Variants in FOCAD observed in about 807,000 individuals in gnomAD.
FOCAD encodes the protein KIAA1797.
Under a neutral mutation model 225.6 loss-of-function variants are expected in FOCAD, and 198 were observed. The observed-to-expected ratio is 0.88, with a 90% confidence interval of 0.78 to 0.99. The LOEUF is 0.99. Among genes scored for constraint, FOCAD ranks in the 50% least tolerant of loss-of-function variants. FOCAD has a pLI of 0.00. For missense variants in FOCAD, 2,713 were observed against 2,123.6 expected (o/e 1.28, Z -5.46); for synonymous variants, 897 against 755.0 (o/e 1.19, Z -3.08).
At chr9:20,921,923 C>A (rs575285341) in intron 24 of FOCAD, among the ~76,000 whole-genome samples, 2 of 152,258 alleles carry the variant, frequency 1.3e-5, no homozygotes, top group South Asian at 4.1e-4. Flanking sequence ...CTAGTGACCT[C>A]ACGTTTTCTA....
chr9:20,974,980 C>T lies in FOCAD; in HGVS notation c.4133-1440C>T, dbSNP rs375662014. Among the ~76,000 whole-genome samples, 13 of 152,296 alleles carry T rather than the reference C, an allele frequency of 8.5e-5. No individual in the cohort carries two copies. In the East Asian group the frequency reaches 2.1e-3, roughly 25 times the overall value. ...GCTGTTTTTCCTTTTGCTGACTCTA[C>T]TTCCACGCTGATTCCCCCTTTTTCA... On this transcript the variant is annotated intron_variant, in intron 35 of 43. Transcript: ENST00000338382.
chr9:20,656,013 T>G (rs1016768294), upstream of FOCAD, among the ~76,000 whole-genome samples: 2 of 152,070 alleles, frequency 1.3e-5, no homozygotes, highest in African/African-American at 4.8e-5. Flanking sequence ...CATCTTTATT[T>G]CTGCCTTCAT....
chr9:20,693,069 C>T (rs929313106), intron 1 of FOCAD, among the ~76,000 whole-genome samples: 9 of 152,194 alleles, frequency 5.9e-5, no homozygotes, highest in African/African-American at 2.2e-4. Context: ...CCAGTGGCTT[C>T]CCGTTGCCAC....
chr9:20,778,089 CAAAAAAAAAA>C (rs1184354592), intron 8 of FOCAD, among the ~76,000 whole-genome samples: 1 of 84,190 alleles, frequency 1.2e-5, no homozygotes, highest in African/African-American at 4.4e-5. Context: ...GACTCCGTCT[CAAAAAAAAAA>C]AAAAAAAAAA....
At chr9:20,705,357 C>T (rs998109108) in intron 1 of FOCAD, among the ~76,000 whole-genome samples, 9 of 152,206 alleles carry the variant, frequency 5.9e-5, no homozygotes, top group South Asian at 2.1e-4. Context: ...TACATCCTTA[C>T]ACTGTGTATA....
chr9:20,984,231 A>C (rs1840957426), intron 39 of FOCAD, among the ~76,000 whole-genome samples: 1 of 152,206 alleles, frequency 6.6e-6, no homozygotes, highest in Non-Finnish European at 1.5e-5. Context: ...AATTTAAGCA[A>C]GTTGCTTAAC....
At chr9:20,744,360 G>A (rs1189499920) in intron 5 of FOCAD, among the ~76,000 whole-genome samples, 4 of 152,210 alleles carry the variant, frequency 2.6e-5, no homozygotes, top group Admixed American at 6.5e-5. Context: ...ATCATATGTA[G>A]TTAATGCAGC....
Position 20,823,082 on chromosome 9 carries a change from A to T in FOCAD, c.1887A>T (p.Val629=), listed in dbSNP as rs751439772. 6.2e-7 allele frequency: 1 copy of T among 1,608,528 alleles called. No homozygotes were observed. Among genetic ancestry groups the T allele is most frequent in the Non-Finnish European group, 8.5e-7 (1 of 1,177,854 alleles). ...ATCAAGCTACTCCAGCAGCCTTGGT[A>T]TTACAGGGTCTTCATGCACTCTGTC... ...KPDQATPAAL[V]LQGLHALCQA... Residue 629 remains valine, a synonymous_variant, in exon 15 of 44, where the codon GTA becomes GTT. Transcript: ENST00000338382.
rs933260364 is a variant in FOCAD at position 20,883,933 on chromosome 9, A to T, written c.2504-1176A>T. Reference sequence around the variant, plus strand: ...ATAATAAAACTCAGTGCAATAAAAAACATAAATAAGCTGGAGGTTCAGCTG... The same window carrying T: ...ATAATAAAACTCAGTGCAATAAAAATCATAAATAAGCTGGAGGTTCAGCTG... On this transcript the variant is annotated intron_variant, in intron 20 of 43. Coordinates refer to ENST00000338382, the MANE Select transcript of FOCAD (RefSeq NM_001375567.1). Among the ~76,000 whole-genome samples the T allele has an allele frequency of 8.5e-5, 13 of 152,324 alleles. 1 individual carries two copies. The highest frequency in any genetic ancestry group is 3.1e-4 in the African/African-American group (13 of 41,580).
intron 2 of FOCAD, among the ~76,000 whole-genome samples, chr9:20,664,433 A>G (rs1821833499): frequency 6.6e-6 from 1 of 151,584 alleles, no homozygotes; most frequent in African/African-American, 2.4e-5. Context: ...TTCTCAGTGC[A>G]TATTATCTAC....
At position 20,842,833 on chromosome 9, in the gene FOCAD, T is replaced by A. The variant is rs181034702; in HGVS notation, c.1920+19718T>A. On this transcript the variant is annotated intron_variant, in intron 15 of 43. Coordinates refer to ENST00000338382, the MANE Select transcript of FOCAD (RefSeq NM_001375567.1). ...TGTCTTCTTCTTTGTGAAAGTGATTTTCTCTGGTAATATATTTTAAATTTT... is the reference window on the plus strand; with the variant it reads ...TGTCTTCTTCTTTGTGAAAGTGATTATCTCTGGTAATATATTTTAAATTTT... Among the ~76,000 whole-genome samples the A allele has an allele frequency of 3.3e-5, 5 of 152,088 alleles. No individual in the cohort carries two copies. In the East Asian group the frequency reaches 7.7e-4, roughly 24 times the overall value.
At chr9:20,685,328 T>G (rs2131316786) in intron 1 of FOCAD, among the ~76,000 whole-genome samples, 1 of 152,064 alleles carries the variant, frequency 6.6e-6, no homozygotes, top group East Asian at 1.9e-4. Flanking sequence ...AGGAATGGGA[T>G]TAGTATAATT....
intron 5 of FOCAD, among the ~76,000 whole-genome samples, chr9:20,749,305 A>G (rs545092814): frequency 6.6e-6 from 1 of 152,310 alleles, no homozygotes; most frequent in African/African-American, 2.4e-5. Context: ...TTGTGACTCA[A>G]AAATGACAAA....
rs1320264185 is a variant in FOCAD at position 20,758,089 on chromosome 9, GA to G, written c.395del (p.Asn132IlefsTer6). The stretch of plus-strand genomic sequence containing the variant: ...CCCATGTGACTTTCTGTGTCTTTCA[GA>G]AATCATCCTCATCCTTTGATAACTG... ...EKNIQSIYTI[R>X]NHPHPLITVL... On this transcript the variant is annotated frameshift_variant and splice_region_variant, in exon 6 of 44. Coordinates refer to ENST00000338382, the MANE Select transcript of FOCAD (RefSeq NM_001375567.1). LOFTEE classifies it high-confidence loss of function. 6.3e-7 allele frequency: 1 copy of G among 1,597,712 alleles called. No homozygotes were observed. Among genetic ancestry groups the G allele is most frequent in the Non-Finnish European group, 8.5e-7 (1 of 1,173,604 alleles).
chr9:20,908,322 A>T (rs1002148578), intron 22 of FOCAD, among the ~76,000 whole-genome samples: 28 of 152,048 alleles, frequency 1.8e-4, no homozygotes, highest in African/African-American at 6.0e-4. Context: ...AGTGGGGCAT[A>T]GGATGGGGTG....
intron 11 of FOCAD, among the ~76,000 whole-genome samples, chr9:20,810,611 T>A (rs889906655): frequency 6.6e-6 from 1 of 152,132 alleles, no homozygotes; most frequent in Non-Finnish European, 1.5e-5. Flanking sequence ...ATATAACTGT[T>A]GATTATATTC....
intron 1 of FOCAD, among the ~76,000 whole-genome samples, chr9:20,714,034 A>T (rs1586920608): frequency 1.3e-5 from 2 of 152,336 alleles, no homozygotes; most frequent in East Asian, 3.9e-4. Context: ...ATACCAGGAT[A>T]AATTACCCAT....
At chr9:20,732,648 A>G (rs780497565) in intron 4 of FOCAD, among the ~76,000 whole-genome samples, 1 of 152,182 alleles carries the variant, frequency 6.6e-6, no homozygotes, top group Non-Finnish European at 1.5e-5. Context: ...GGAATGCAGT[A>G]TGAAGATTAA....
At chr9:20,744,791 A>G (rs1316859753) in intron 5 of FOCAD, among the ~76,000 whole-genome samples, 1 of 152,206 alleles carries the variant, frequency 6.6e-6, no homozygotes, top group African/African-American at 2.4e-5. Flanking sequence ...TTCAATATAA[A>G]TAAAGTTTTT....
Sources: allele counts gnomAD v4.1 joint callset (sites outside exome capture counted in the v4.1 genomes callset), GRCh38; gene constraint gnomAD v4.1.1; transcripts MANE v1.5; gene names NCBI Gene and HGNC (gene_info 2026-07-23, HGNC 2026-07-21).